CD3G: variants seen among roughly 807,000 people sequenced by gnomAD.
CD3G encodes CD3 gamma subunit of T-cell receptor complex.
In CD3G, 24 loss-of-function variants were observed where a neutral mutation model predicts 28.3. The ratio of observed to expected loss-of-function variants is 0.85; its 90% CI spans 0.61 to 1.19. CD3G has a LOEUF of 1.19. Among genes scored for constraint, CD3G ranks in the 50% most tolerant of loss-of-function variants. The pLI is 0.00. For synonymous variants in CD3G, 71 were observed against 75.9 expected, an observed-to-expected ratio of 0.93 and a Z score of 0.34; for missense variants, 211 against 210.0, an observed-to-expected ratio of 1.00 and a Z score of -0.03.
chr11:118,353,524 C>CTTTTTTTTT lies in CD3G; in HGVS notation c.*442_*450dup, dbSNP rs35577555. 2.5e-5 allele frequency: 2 copies of CTTTTTTTTT among 80,784 alleles called. No homozygotes were observed. Among genetic ancestry groups the CTTTTTTTTT allele is most frequent in the Non-Finnish European group, 4.9e-5 (2 of 41,182 alleles). The allele number at this position is 80,784 out of a possible 1,614,324, so 5.0% of individuals were successfully genotyped here. On this transcript the variant is annotated 3_prime_UTR_variant, in exon 7 of 7. Coordinates refer to ENST00000532917, the MANE Select transcript of CD3G (RefSeq NM_000073.3). ...CCTCTTCAGAGACAAATTAGTTTCTCTTTTTTTTTTTTTTTTTTTTTTTTT... is the reference window on the plus strand; with the variant it reads ...CCTCTTCAGAGACAAATTAGTTTCTCTTTTTTTTTTTTTTTTTTTTTTTTTTTTTTTTTT...
At chr11:118,350,904 C>CAAAAAAAAAAAAAAAAAAAAAAAAA (rs978981914) in intron 4 of CD3G, 1 of 815,384 alleles carries the variant, frequency 1.2e-6, no homozygotes, top group African/African-American at 2.1e-5. Flanking sequence ...AAAAAAAAAA[C>CAAAAAAAAAAAAAAAAAAAAAAAAA]AAAAACAGGC....
In CD3G at chr11:118,352,375, A is replaced by G. The variant is rs772723240; in HGVS notation, c.484-29A>G. 14 of 1,595,646 alleles carry G rather than the reference A, an allele frequency of 8.8e-6. No homozygotes were observed. The East Asian group carries it at 2.9e-4, about 33-fold the overall frequency. ...AATTAATTAATAGAGGATGGAAAAA[A>G]TGACTTATGACTGTGCTGTCCTTTC... On this transcript the variant is annotated intron_variant, in intron 5 of 6. Transcript: ENST00000532917.
At chr11:118,349,131 A>C (rs758272834) in intron 2 of CD3G, 81 bp downstream of exon 2, 1 of 1,613,550 alleles carries the variant, frequency 6.2e-7, no homozygotes, top group Admixed American at 1.7e-5. Flanking sequence ...GTCCTACAGG[A>C]GCGAACAGTT....
intron 1 of CD3G, 57 bp downstream of exon 1, chr11:118,344,535 C>A: frequency 7.2e-7 from 1 of 1,389,870 alleles, no homozygotes; most frequent in Non-Finnish European, 1.0e-6. Context: ...AAGAGCCCAT[C>A]ACTAGTGAGA....
intron 1 of CD3G, among the ~76,000 whole-genome samples, chr11:118,344,714 G>A (rs1948339321): frequency 6.6e-6 from 1 of 152,236 alleles, no homozygotes. Flanking sequence ...TTAAATGGCT[G>A]AAGAGAGGAC....
At position 118,352,494 on chromosome 11, in the gene CD3G, T is replaced by C; in HGVS notation, c.*18+7T>C. 4 of 1,584,630 alleles carry C rather than the reference T, an allele frequency of 2.5e-6. No individual in the cohort carries two copies. Among genetic ancestry groups the C allele is most frequent in the Non-Finnish European group, 2.6e-6 (3 of 1,153,722 alleles). On this transcript the variant is annotated splice_region_variant and intron_variant, in intron 6 of 6. Coordinates refer to ENST00000532917, the MANE Select transcript of CD3G (RefSeq NM_000073.3). ...AACTCAGGACTCAGAGTAGGTGGGT[T>C]CTTCAATGCCAATTCTAATAAAGGA...
intron 1 of CD3G, among the ~76,000 whole-genome samples, chr11:118,348,643 T>G (rs931814245): frequency 3.3e-5 from 5 of 152,340 alleles, no homozygotes; most frequent in African/African-American, 9.6e-5. Context: ...TTCCTGGGGC[T>G]GATACCACTA....
intron 4 of CD3G, chr11:118,350,889 G>GGAAA: frequency 1.6e-6 from 1 of 628,666 alleles, no homozygotes; most frequent in Admixed American, 6.3e-5. Flanking sequence ...CTCCCTCTGT[G>GGAAA]AAAAAAAAAA....
chr11:118,352,071 C>A lies in CD3G; in HGVS notation c.484-333C>A, dbSNP rs566896387. 1.4e-4 allele frequency among the ~76,000 whole-genome samples: 21 copies of A among 152,116 alleles called. No individual in the cohort carries two copies. The South Asian group carries it at 2.5e-3, about 18-fold the overall frequency. On this transcript the variant is annotated intron_variant, in intron 5 of 6. Transcript: ENST00000532917. ...CTACTAAAAATACAAAAAAAATTAA[C>A]CAGGCGTGGAGGCGCGCGCCTGTAG...
chr11:118,352,330 C>T (rs562629804), intron 5 of CD3G, 74 bp from the exon 6 acceptor site: 7 of 1,251,560 alleles, frequency 5.6e-6, no homozygotes, highest in Non-Finnish European at 7.1e-6. Context: ...ATATAAAAAA[C>T]ATTCAATAAA....
In CD3G at chr11:118,350,625, C is replaced by T. The variant is rs771971617; in HGVS notation, c.381C>T (p.Phe127=). ...GFLFAEIVSI[F]VLAVGVYFIA... ...TCTTTGCTGAAATCGTCAGCATTTT[C>T]GTCCTTGCTGTTGGGGTCTACTTCA... The change falls in exon 4 of 7, where the codon TTC becomes TTT. Residue 127 remains phenylalanine (F), a synonymous_variant. Coordinates refer to ENST00000532917, the MANE Select transcript of CD3G (RefSeq NM_000073.3). 2.5e-6 allele frequency: 4 copies of T among 1,614,026 alleles called. No homozygotes were observed. Among genetic ancestry groups the T allele is most frequent in the Non-Finnish European group, 2.5e-6 (3 of 1,179,978 alleles).
intron 6 of CD3G, 147 bp downstream of exon 6, chr11:118,352,634 C>G (rs571841233): frequency 1.4e-6 from 1 of 691,270 alleles, no homozygotes; most frequent in Non-Finnish European, 2.6e-6. Context: ...GTACTCTTTT[C>G]TAAAAATTCT....
At chr11:118,344,573 G>A in intron 1 of CD3G, 95 bp downstream of exon 1, 2 of 1,052,754 alleles carry the variant, frequency 1.9e-6, no homozygotes, top group Admixed American at 2.0e-5. Context: ...CTAACCTTCA[G>A]CCTACCTCTG....
intron 1 of CD3G, 40 bp from the exon 2 acceptor site, chr11:118,348,987 C>T (rs1948381226): frequency 2.5e-6 from 4 of 1,611,528 alleles, no homozygotes; most frequent in African/African-American, 1.3e-5. Context: ...TGAACAACTC[C>T]ATGCCCAGCT....
In CD3G at chr11:118,354,814, G is replaced by T. The variant is rs765864665; in HGVS notation, c.*1714G>T. 1 of 151,902 alleles carries T rather than the reference G, an allele frequency of 6.6e-6. No homozygotes were observed. Among genetic ancestry groups the T allele is most frequent in the South Asian group, 2.1e-4 (1 of 4,810 alleles). The allele number at this position is 151,902 out of a possible 1,614,324, so 9.4% of individuals were successfully genotyped here. A position where few individuals can be genotyped will look rare whatever the true frequency, so the allele number is the denominator to read the frequency against. On this transcript the variant is annotated 3_prime_UTR_variant, in exon 7 of 7. Transcript: ENST00000532917. ...TGCCCATTTTTAAGTTGACTTATTT[G>T]TTTGTCTTCTTACTATTGGGTTGCA...
At position 118,350,050 on chromosome 11, in the gene CD3G, A is replaced by G. The variant is rs186234121; in HGVS notation, c.307+80A>G. On this transcript the variant is annotated intron_variant, in intron 3 of 6. Coordinates refer to ENST00000532917, the MANE Select transcript of CD3G (RefSeq NM_000073.3). ...TGGTGAGCTTTTTATCTGGGGTGAA[A>G]GTGGAAATAGATCCTCAACAGTAAT... 5.7e-5 allele frequency: 60 copies of G among 1,048,582 alleles called. No individual in the cohort carries two copies. In the East Asian group the frequency reaches 1.5e-3, roughly 25 times the overall value. The allele number at this position is 1,048,582 out of a possible 1,614,324, so 65.0% of individuals were successfully genotyped here. A position where few individuals can be genotyped will look rare whatever the true frequency, so the allele number is the denominator to read the frequency against.
intron 3 of CD3G, 68 bp downstream of exon 3, chr11:118,350,038 A>G (rs1948392257): frequency 1.2e-5 from 14 of 1,209,328 alleles, no homozygotes; most frequent in Admixed American, 1.7e-5. Context: ...TGAGCTTTTT[A>G]TCTGGGGTGA....
rs1364288202 is a variant in CD3G, at chr11:118,349,728, C to G, written c.80-15C>G. ...GGCAAGATCCTTAATAGAACCACGG[C>G]TTTTCTCATTTCAGGAAACCACTTG... On this transcript the variant is annotated splice_polypyrimidine_tract_variant and intron_variant, in intron 2 of 6. Coordinates refer to ENST00000532917, the MANE Select transcript of CD3G (RefSeq NM_000073.3). 11 of 1,589,850 alleles carry G rather than the reference C, an allele frequency of 6.9e-6. No individual in the cohort carries two copies. Among genetic ancestry groups the G allele is most frequent in the Non-Finnish European group, 9.5e-6 (11 of 1,158,088 alleles).
At chr11:118,350,283 G>C (rs1948394651) in intron 3 of CD3G, 1 of 572,034 alleles carries the variant, frequency 1.7e-6, no homozygotes, top group African/African-American at 1.9e-5. Flanking sequence ...GAGAACTGGA[G>C]CGCAGTGGAG....
Sources: allele counts gnomAD v4.1 joint callset (sites outside exome capture counted in the v4.1 genomes callset), GRCh38; gene constraint gnomAD v4.1.1; transcripts MANE v1.5; gene names NCBI Gene and HGNC (gene_info 2026-07-23, HGNC 2026-07-21).